ARK2C: variants seen among roughly 807,000 people sequenced by gnomAD.
The protein encoded by ARK2C is arkadia (RNF111) C-terminal like ring finger ubiquitin ligase 2C, also known as E3 ubiquitin-protein ligase ARK2C.
the ARK2C span, among the ~76,000 whole-genome samples, chr18:46,351,184 C>T: frequency 1.3e-5 from 2 of 152,192 alleles, no homozygotes; most frequent in Non-Finnish European, 2.9e-5. Context: ...GAGCTTCCCA[C>T]TGGAGTCGAC....
the ARK2C span, chr18:46,435,403 C>T: frequency 6.3e-7 from 1 of 1,599,758 alleles, no homozygotes; most frequent in Non-Finnish European, 8.6e-7. Context: ...ACTGGTGAGT[C>T]TTCAGGGCCC....
chr18:46,436,811 A>G, the ARK2C span, among the ~76,000 whole-genome samples: 1 of 152,244 alleles, frequency 6.6e-6, no homozygotes, highest in Admixed American at 6.5e-5. Context: ...GGAAGATTTA[A>G]TTGCAATTTG....
chr18:46,338,950 A>G, the ARK2C span, among the ~76,000 whole-genome samples: 60 of 152,114 alleles, frequency 3.9e-4, no homozygotes, highest in African/African-American at 1.3e-3. Context: ...TTGTGGCTTC[A>G]TGCAACTCTC....
At chr18:46,373,938 T>A in the ARK2C span, among the ~76,000 whole-genome samples, 1 of 151,958 alleles carries the variant, frequency 6.6e-6, no homozygotes. Context: ...AGATGGACAG[T>A]TGCTCCGACA....
chr18:46,395,944 G>C, the ARK2C span, among the ~76,000 whole-genome samples: 3 of 152,306 alleles, frequency 2.0e-5, no homozygotes, highest in African/African-American at 7.2e-5. Flanking sequence ...ACTCAGACAC[G>C]TGTGGCTTGC....
the ARK2C span, chr18:46,337,533 C>T: frequency 6.2e-5 from 61 of 985,260 alleles, no homozygotes; most frequent in East Asian, 1.1e-4. Context: ...GTTGCCCTTC[C>T]GAAGCATGGT....
chr18:46,372,266 T>A, the ARK2C span, among the ~76,000 whole-genome samples: 1 of 152,202 alleles, frequency 6.6e-6, no homozygotes, highest in Non-Finnish European at 1.5e-5. Flanking sequence ...AGAGCCCAGT[T>A]TGAGATGTGG....
At chr18:46,360,927 T>C in the ARK2C span, among the ~76,000 whole-genome samples, 2 of 152,226 alleles carry the variant, frequency 1.3e-5, no homozygotes, top group Non-Finnish European at 2.9e-5. Flanking sequence ...CCACAGCAAG[T>C]GACTTTCCAT....
At chr18:46,380,612 G>A in the ARK2C span, among the ~76,000 whole-genome samples, 1 of 152,130 alleles carries the variant, frequency 6.6e-6, no homozygotes, top group African/African-American at 2.4e-5. Context: ...TGCTGAGCTG[G>A]TCGCTGGGAG....
the ARK2C span, among the ~76,000 whole-genome samples, chr18:46,395,576 A>G: frequency 6.6e-6 from 1 of 152,190 alleles, no homozygotes; most frequent in Non-Finnish European, 1.5e-5. Flanking sequence ...TAAGTAACTC[A>G]TCTACAGCAG....
At chr18:46,420,031 A>G in the ARK2C span, among the ~76,000 whole-genome samples, 1 of 152,198 alleles carries the variant, frequency 6.6e-6, no homozygotes, top group South Asian at 2.1e-4. Context: ...TTGGGAATCT[A>G]ATTTTACTGA....
chr18:46,377,627 C>A, the ARK2C span, among the ~76,000 whole-genome samples: 2 of 152,078 alleles, frequency 1.3e-5, no homozygotes, highest in African/African-American at 2.4e-5. Flanking sequence ...AAGGGAGAGG[C>A]ACATATGAAG....
the ARK2C span, among the ~76,000 whole-genome samples, chr18:46,390,008 G>T: frequency 6.6e-6 from 1 of 152,148 alleles, no homozygotes; most frequent in Non-Finnish European, 1.5e-5. Context: ...GACTATAGGC[G>T]TGAGCCACCA....
chr18:46,334,205 C>T, the ARK2C span: 2 of 968,546 alleles, frequency 2.1e-6, no homozygotes, highest in Non-Finnish European at 2.5e-6. The surrounding 1 kb of genome is among the most constrained non-coding windows in gnomAD (Gnocchi z 4.4). Flanking sequence ...CGCCCGCGCC[C>T]GCGCCCCGGA....
At chr18:46,346,009 A>G in the ARK2C span, among the ~76,000 whole-genome samples, 2 of 152,014 alleles carry the variant, frequency 1.3e-5, no homozygotes, top group Non-Finnish European at 2.9e-5. Context: ...GGGCTGGTGG[A>G]CGTTTTGTGT....
At chr18:46,429,183 A>G in the ARK2C span, among the ~76,000 whole-genome samples, 1 of 152,230 alleles carries the variant, frequency 6.6e-6, no homozygotes, top group Admixed American at 6.5e-5. Context: ...GTTCTAGATA[A>G]TTCTTTTCTG....
chr18:46,453,505 G>A, the ARK2C span, among the ~76,000 whole-genome samples: 1 of 151,754 alleles, frequency 6.6e-6, no homozygotes, highest in South Asian at 2.1e-4. Context: ...GGGTAAAAAG[G>A]AGAATAAAAA....
At chr18:46,404,297 C>T in the ARK2C span, among the ~76,000 whole-genome samples, 45 of 152,250 alleles carry the variant, frequency 3.0e-4, no homozygotes, top group African/African-American at 9.6e-4. Context: ...TGGCTCGCTT[C>T]CTCTCTTAAG....
chr18:46,355,189 G>T, the ARK2C span, among the ~76,000 whole-genome samples: 1 of 152,086 alleles, frequency 6.6e-6, no homozygotes, highest in Non-Finnish European at 1.5e-5. Flanking sequence ...CTGACCTCAG[G>T]TTATCCACCC....
Sources: allele counts gnomAD v4.1 joint callset (sites outside exome capture counted in the v4.1 genomes callset), GRCh38; gene constraint gnomAD v4.1.1; non-coding constraint Gnocchi (gnomAD v3.1); transcripts MANE v1.5; gene names NCBI Gene and HGNC (gene_info 2026-07-23, HGNC 2026-07-21).